The following XYLT1 variants were observed in gnomAD, a reference collection of about 807,000 sequenced individuals.
XYLT1 encodes the protein xylosyltransferase 1.
Under a neutral mutation model 91.3 loss-of-function variants are expected in XYLT1, and 36 were observed. The ratio of observed to expected loss-of-function variants is 0.39; its 90% CI spans 0.30 to 0.52. XYLT1 has a LOEUF of 0.52. Among genes scored for constraint, XYLT1 ranks in the 20% least tolerant of loss-of-function variants. XYLT1 has a pLI of 0.68. For synonymous variants in XYLT1, 588 were observed against 532.0 expected, an observed-to-expected ratio of 1.11 and a Z score of -1.45; for missense variants, 1,242 against 1,284.5, an observed-to-expected ratio of 0.97 and a Z score of 0.51.
intron 1 of XYLT1, among the ~76,000 whole-genome samples, chr16:17,433,122 A>T (rs1226540493): frequency 6.6e-6 from 1 of 152,096 alleles, no homozygotes; most frequent in Non-Finnish European, 1.5e-5. Flanking sequence ...GTGTTAGAAA[A>T]AAAAAGGAAG....
chr16:17,211,144 A>G (rs1265235899), intron 3 of XYLT1, among the ~76,000 whole-genome samples: 3 of 152,244 alleles, frequency 2.0e-5, no homozygotes, highest in Non-Finnish European at 4.4e-5. Context: ...ATAATATGGC[A>G]GGTGGAATGT....
At chr16:17,208,430 A>C (rs1428513756) in intron 3 of XYLT1, among the ~76,000 whole-genome samples, 1 of 152,022 alleles carries the variant, frequency 6.6e-6, no homozygotes, top group Non-Finnish European at 1.5e-5. Context: ...CCAATTTTGA[A>C]TTTTTTCAGA....
At chr16:17,179,747 A>G (rs1376834393) in intron 5 of XYLT1, among the ~76,000 whole-genome samples, 3 of 152,218 alleles carry the variant, frequency 2.0e-5, no homozygotes, top group Admixed American at 2.0e-4. Context: ...TCTCATTTAA[A>G]TCAACTTTCA....
chr16:17,319,978 T>C (rs1471719056), intron 2 of XYLT1, among the ~76,000 whole-genome samples: 1 of 152,168 alleles, frequency 6.6e-6, no homozygotes, highest in Non-Finnish European at 1.5e-5. Context: ...GCATGCTCTT[T>C]TCTTTCTGCC....
chr16:17,411,940 C>A (rs557115045), intron 1 of XYLT1, among the ~76,000 whole-genome samples: 1 of 151,942 alleles, frequency 6.6e-6, no homozygotes, highest in South Asian at 2.1e-4. Context: ...CTAGGTGGCC[C>A]GGAGGCCTAA....
rs36098987 is a variant in XYLT1 at position 17,198,347 on chromosome 16, G to C, written c.1154C>G (p.Pro385Arg). 3 of 1,614,108 alleles carry C rather than the reference G, an allele frequency of 1.9e-6. No individual in the cohort carries two copies. The highest frequency in any genetic ancestry group is 3.3e-5 in the Admixed American group (2 of 60,012). Residue 385 changes from proline (P) to arginine (R), a missense_variant, in exon 5 of 12, where the codon CCC becomes CGC. Transcript: ENST00000261381. ...SRQYSNVRVT[P>R]WRMATIWGGA... ...TCCCCAGATGGTGGCCATTCTCCAG[G>C]GGGTGACGCGGACATTGCTGTACTG...
chr16:17,442,491 G>A (rs559621147), intron 1 of XYLT1, among the ~76,000 whole-genome samples: 6 of 152,226 alleles, frequency 3.9e-5, no homozygotes, highest in East Asian at 3.9e-4. Context: ...CTGTGAGGGC[G>A]GTTCTGAATG....
intron 2 of XYLT1, among the ~76,000 whole-genome samples, chr16:17,296,915 T>C (rs2034320476): frequency 1.3e-5 from 2 of 152,232 alleles, no homozygotes; most frequent in Admixed American, 1.3e-4. Context: ...TCAATTTCCT[T>C]ATCTGTAAAA....
intron 10 of XYLT1, among the ~76,000 whole-genome samples, chr16:17,122,672 A>G (rs982463879): frequency 1.3e-5 from 2 of 152,198 alleles, no homozygotes; most frequent in Non-Finnish European, 2.9e-5. Flanking sequence ...GCCAGTGTCT[A>G]GAAGGGTTTT....
intron 3 of XYLT1, among the ~76,000 whole-genome samples, chr16:17,230,183 C>T (rs952230083): frequency 1.3e-5 from 2 of 152,174 alleles, no homozygotes; most frequent in African/African-American, 4.8e-5. Context: ...TGTTTTAAGC[C>T]ACGCTGGTTG....
At chr16:17,252,824 C>T (rs1010313850) in intron 3 of XYLT1, among the ~76,000 whole-genome samples, 1 of 152,158 alleles carries the variant, frequency 6.6e-6, no homozygotes, top group Non-Finnish European at 1.5e-5. Context: ...AGACTTGCAG[C>T]CATGAGGAAT....
intron 1 of XYLT1, among the ~76,000 whole-genome samples, chr16:17,411,959 G>C (rs1202609678): frequency 1.3e-5 from 2 of 152,072 alleles, no homozygotes; most frequent in Non-Finnish European, 2.9e-5. Context: ...AAGGTGAAAA[G>C]GATGTTGTCT....
At chr16:17,362,716 T>G (rs1346566112) in intron 1 of XYLT1, among the ~76,000 whole-genome samples, 2 of 152,256 alleles carry the variant, frequency 1.3e-5, no homozygotes, top group Non-Finnish European at 2.9e-5. Flanking sequence ...TGGCGGATTC[T>G]GAGCCCTGAG....
chr16:17,357,933 T>C, intron 2 of XYLT1, 79 bp downstream of exon 2: 2 of 1,532,374 alleles, frequency 1.3e-6, no homozygotes, highest in Admixed American at 3.8e-5. Flanking sequence ...GTCCAGCCTT[T>C]CAGAGCCACG....
chr16:17,369,390 G>A (rs144312830), intron 1 of XYLT1, among the ~76,000 whole-genome samples: 36 of 152,210 alleles, frequency 2.4e-4, no homozygotes, highest in South Asian at 6.2e-4. Flanking sequence ...CGTGAAATGT[G>A]GAAAGATCTG....
At chr16:17,311,704 C>A (rs1038498947) in intron 2 of XYLT1, among the ~76,000 whole-genome samples, 2 of 152,130 alleles carry the variant, frequency 1.3e-5, no homozygotes, top group Non-Finnish European at 2.9e-5. Context: ...TGTTTTCACA[C>A]TGCTGATAAA....
chr16:17,369,130 C>CTTTT (rs36042244), intron 1 of XYLT1, among the ~76,000 whole-genome samples: 2 of 124,888 alleles, frequency 1.6e-5, no homozygotes, highest in Admixed American at 8.4e-5. Flanking sequence ...AAAAATACTT[C>CTTTT]TTTTTTTTTT....
chr16:17,201,016 G>C (rs192660492), intron 3 of XYLT1, among the ~76,000 whole-genome samples: 2 of 152,202 alleles, frequency 1.3e-5, no homozygotes, highest in African/African-American at 4.8e-5. Flanking sequence ...GTTAGTGAAC[G>C]TAAGATACAT....
chr16:17,242,206 C>T (rs111263037), intron 3 of XYLT1, among the ~76,000 whole-genome samples: 3,439 of 152,238 alleles, frequency 0.023, 52 homozygotes, highest in Non-Finnish European at 0.033. Context: ...CAGGGGTTGG[C>T]GAATTATGGT....
Sources: gnomAD v4.1 joint callset for allele counts (sites outside exome capture counted in the v4.1 genomes callset) on GRCh38, gnomAD v4.1.1 for gene constraint, MANE v1.5 for transcripts, NCBI Gene and HGNC (gene_info 2026-07-23, HGNC 2026-07-21) for gene names.